The following PWWP3A variants were observed in gnomAD, a reference collection of about 807,000 sequenced individuals.
The protein encoded by PWWP3A is PWWP domain containing 3A, DNA repair factor, also known as PWWP domain-containing DNA repair factor 3A.
In PWWP3A, 53 loss-of-function variants were observed where a neutral mutation model predicts 79.0. That is an observed-to-expected ratio of 0.67 (90% CI 0.54 to 0.84). PWWP3A has a LOEUF of 0.84. Ranked by LOEUF, PWWP3A falls within the 40% of genes least tolerant of loss-of-function variation. PWWP3A has a pLI of 0.00. For synonymous variants in PWWP3A, 443 were observed against 394.4 expected (o/e 1.12, Z -1.46); for missense variants, 973 against 948.0 (o/e 1.03, Z -0.35).
At chr19:1,358,527 G>C in intron 4 of PWWP3A, 63 bp downstream of exon 4, 2 of 1,606,644 alleles carry the variant, frequency 1.2e-6, no homozygotes, top group Admixed American at 3.3e-5. Flanking sequence ...TTGGGAGAAT[G>C]TGAAGGCTCA....
intron 13 of PWWP3A, among the ~76,000 whole-genome samples, chr19:1,374,525 T>C (rs1456201556): frequency 6.6e-6 from 1 of 152,164 alleles, no homozygotes; most frequent in Non-Finnish European, 1.5e-5. Flanking sequence ...TTCCCAAGGC[T>C]GTCCTCCTCA....
intron 5 of PWWP3A, among the ~76,000 whole-genome samples, chr19:1,361,617 T>G (rs2082016516): frequency 6.6e-6 from 1 of 152,256 alleles, no homozygotes; most frequent in Non-Finnish European, 1.5e-5. Context: ...TGCTACAAAC[T>G]TACCGCGCAG....
intron 2 of PWWP3A, among the ~76,000 whole-genome samples, chr19:1,356,650 T>TC (rs777212612): frequency 1.5e-4 from 20 of 131,726 alleles, no homozygotes; most frequent in African/African-American, 4.7e-4. Flanking sequence ...CTTTTTTTTT[T>TC]CACACTAAAA....
intron 8 of PWWP3A, among the ~76,000 whole-genome samples, chr19:1,366,800 C>T (rs926059067): frequency 6.6e-6 from 1 of 152,252 alleles, no homozygotes; most frequent in Admixed American, 6.5e-5. Context: ...GTGGATGGAT[C>T]AGCCGGCTGA....
chr19:1,358,473 G>A lies in PWWP3A; in HGVS notation c.214+9G>A, dbSNP rs375676152. On this transcript the variant is annotated intron_variant, in intron 4 of 13. Transcript: ENST00000591337. ...CATTGCTTCCTCGTTAGGTAAGAGC[G>A]TATTTTTAAGTGGCCACTAGGTTTT... 485 of 1,613,192 alleles carry A rather than the reference G, an allele frequency of 3.0e-4. No individual in the cohort carries two copies. Among genetic ancestry groups the A allele is most frequent in the Non-Finnish European group, 3.5e-4 (416 of 1,179,496 alleles).
At chr19:1,366,518 G>T (rs1410428078) in intron 8 of PWWP3A, 137 bp downstream of exon 8, 1 of 748,692 alleles carries the variant, frequency 1.3e-6, no homozygotes, top group East Asian at 2.7e-5. Flanking sequence ...GGCTAGTGAG[G>T]TCTCACTGGA....
In PWWP3A at chr19:1,360,641, G is replaced by A; in HGVS notation, c.720G>A (p.Glu240=). ...NGSSLSEDDT[E]RDMGSKGGSW... ...CTTCCCTTTCAGAGGACGACACGGA[G>A]AGAGACATGGGGAGCAAAGGAGGCA... The change falls in exon 5 of 14, where the codon GAG becomes GAA. Residue 240 remains glutamate, a synonymous_variant. Coordinates refer to ENST00000591337, the MANE Select transcript of PWWP3A (RefSeq NM_001369789.1). The surrounding 1 kb of genome is among the most constrained non-coding windows in gnomAD (Gnocchi z 4.4). The A allele has an allele frequency of 6.2e-7, 1 of 1,613,570 alleles. No homozygotes were observed. The highest frequency in any genetic ancestry group is 8.5e-7 in the Non-Finnish European group (1 of 1,179,596).
chr19:1,376,587 G>A lies in PWWP3A; in HGVS notation c.*11G>A, dbSNP rs375675008. The A allele has an allele frequency of 8.9e-5, 144 of 1,613,130 alleles. No homozygotes were observed. Among genetic ancestry groups the A allele is most frequent in the Non-Finnish European group, 1.1e-4 (131 of 1,179,742 alleles). On this transcript the variant is annotated 3_prime_UTR_variant, in exon 14 of 14. Transcript: ENST00000591337. The stretch of plus-strand genomic sequence containing the variant: ...CGGCGCCGTCGGTGAGGGAGCAGCC[G>A]GCTGTGCTGTCAGCGGGGCCTGGCG...
chr19:1,375,506 TATA>T (rs1285926857), intron 13 of PWWP3A, among the ~76,000 whole-genome samples: 9 of 118,716 alleles, frequency 7.6e-5, no homozygotes, highest in African/African-American at 2.9e-4. Context: ...AAATTTTATA[TATA>T]ATATATAAAA....
rs139859710 is a variant in PWWP3A at position 1,360,102 on chromosome 19, C to T, written c.215-34C>T. ...GTGACCGCAGTGCCTGTGCAGTGAA[C>T]GTAACCGGCATTGTGTATGTTCGGT... On this transcript the variant is annotated intron_variant, in intron 4 of 13. Transcript: ENST00000591337. This position sits in a 1 kb window ranked among gnomAD's most constrained non-coding sequence, Gnocchi z 4.4. 2.2e-4 allele frequency: 338 copies of T among 1,514,750 alleles called. 1 individual carries two copies. In the African/African-American group the frequency reaches 3.8e-3, roughly 17 times the overall value. The allele number at this position is 1,514,750 out of a possible 1,614,324, so 93.8% of individuals were successfully genotyped here. A position where few individuals can be genotyped will look rare whatever the true frequency, so the allele number is the denominator to read the frequency against.
chr19:1,368,545 G>A lies in PWWP3A; in HGVS notation c.1423-720G>A, dbSNP rs2082177414. On this transcript the variant is annotated intron_variant, in intron 9 of 13. Transcript: ENST00000591337. The surrounding 1 kb of genome is among the most constrained non-coding windows in gnomAD (Gnocchi z 4.7). ...CACCCGGCCCTGGGATGTGCTTATG[G>A]GGTGCCCCCGTACCCCTAGTGGCCC... Among the ~76,000 whole-genome samples, 1 of 152,178 alleles carries A rather than the reference G, an allele frequency of 6.6e-6. No homozygotes were observed. The highest frequency in any genetic ancestry group is 1.5e-5 in the Non-Finnish European group (1 of 68,034).
chr19:1,362,890 A>G (rs997254204), intron 6 of PWWP3A, among the ~76,000 whole-genome samples: 6 of 152,232 alleles, frequency 3.9e-5, no homozygotes, highest in African/African-American at 1.4e-4. Context: ...GAGAGACCCA[A>G]AGATCTGAGC....
chr19:1,356,540 C>T, intron 2 of PWWP3A, 91 bp downstream of exon 2: 5 of 1,289,238 alleles, frequency 3.9e-6, no homozygotes, highest in Non-Finnish European at 5.6e-6. Flanking sequence ...GGATTTGCTT[C>T]AGTGAAATAA....
chr19:1,372,735 C>T (rs536106031), intron 12 of PWWP3A: 41 of 202,976 alleles, frequency 2.0e-4, no homozygotes, highest in African/African-American at 6.1e-4. Context: ...CCAGCCTGGG[C>T]GACAGGGCGA....
intron 3 of PWWP3A, chr19:1,357,304 T>C: frequency 1.9e-6 from 1 of 513,250 alleles, no homozygotes; most frequent in Non-Finnish European, 3.5e-6. Context: ...AAACGAGGCA[T>C]TCTGTGAGAT....
intron 1 of PWWP3A, among the ~76,000 whole-genome samples, chr19:1,356,053 A>C (rs1330308233): frequency 6.6e-6 from 1 of 152,290 alleles, no homozygotes; most frequent in African/African-American, 2.4e-5. Context: ...TGATTTATTC[A>C]GGAGCCTTTT....
Position 1,360,955 on chromosome 19 carries a change from T to A in PWWP3A, c.1034T>A (p.Leu345Gln). Residue 345 changes from leucine (L) to glutamine (Q), a missense_variant, in exon 5 of 14, where the codon CTG (leucine) becomes CAG (glutamine). By Grantham distance (113) the Leu-to-Gln change is moderately radical (BLOSUM62 -2). Coordinates refer to ENST00000591337, the MANE Select transcript of PWWP3A (RefSeq NM_001369789.1). The surrounding 1 kb of genome is among the most constrained non-coding windows in gnomAD (Gnocchi z 4.4). ...ESVTPRSTAR[L>Q]GPPPSHASAD... ...GTGACCCCGCGCAGCACCGCCAGGC[T>A]GGGCCCGCCTCCCTCCCACGCCTCT... 6.8e-7 allele frequency: 1 copy of A among 1,480,518 alleles called. No homozygotes were observed. Among genetic ancestry groups the A allele is most frequent in the Non-Finnish European group, 9.0e-7 (1 of 1,115,908 alleles). The allele number at this position is 1,480,518 out of a possible 1,614,324, so 91.7% of individuals were successfully genotyped here.
In PWWP3A at chr19:1,377,753, C is replaced by G. The variant is rs1275717951; in HGVS notation, c.*1177C>G. ...GTTCCAGGGCCCGGTGGCCTGGGAG[C>G]TGCTTTCTCCCCACTGGCTGGGCTG... is the stretch of plus-strand genomic sequence containing the variant. On this transcript the variant is annotated 3_prime_UTR_variant, in exon 14 of 14. Coordinates refer to ENST00000591337, the MANE Select transcript of PWWP3A (RefSeq NM_001369789.1). 1 of 152,420 alleles carries G rather than the reference C, an allele frequency of 6.6e-6. No individual in the cohort carries two copies. Among genetic ancestry groups the G allele is most frequent in the Admixed American group, 6.5e-5 (1 of 15,290 alleles). 9.4% of individuals were successfully genotyped at this position (152,420 alleles called of 1,614,324 possible).
chr19:1,376,296 T>TTTG (rs2082394629), intron 13 of PWWP3A, among the ~76,000 whole-genome samples: 7 of 67,512 alleles, frequency 1.0e-4, no homozygotes, highest in East Asian at 2.8e-4. Flanking sequence ...CGGCTGTTTG[T>TTTG]TTTTTTTTTT....
Sources: gnomAD v4.1 joint callset for allele counts (sites outside exome capture counted in the v4.1 genomes callset) on GRCh38, gnomAD v4.1.1 for gene constraint, Gnocchi (gnomAD v3.1) non-coding constraint, MANE v1.5 for transcripts, NCBI Gene and HGNC (gene_info 2026-07-23, HGNC 2026-07-21) for gene names.